The following HSPH1 variants were observed in gnomAD, a reference collection of about 807,000 sequenced individuals.
HSPH1 encodes the protein heat shock protein family H (Hsp110) member 1.
A neutral mutation model predicts 100.0 loss-of-function variants in HSPH1; 40 were observed. That is an observed-to-expected ratio of 0.40 (90% CI 0.31 to 0.52). HSPH1 has a LOEUF of 0.52. Ranked by LOEUF, HSPH1 falls within the 20% of genes least tolerant of loss-of-function variation. The pLI, the probability that HSPH1 is intolerant of heterozygous loss-of-function variation, is 0.54. For synonymous variants in HSPH1, 403 were observed against 344.0 expected (o/e 1.17, Z -1.90); for missense variants, 876 against 1,015.1 (o/e 0.86, Z 1.86).
At chr13:31,141,756 C>A (rs1327398745) in intron 12 of HSPH1, among the ~76,000 whole-genome samples, 1 of 150,898 alleles carries the variant, frequency 6.6e-6, no homozygotes, top group Non-Finnish European at 1.5e-5. Context: ...TTAAAATTTC[C>A]TTATTGAACT....
At chr13:31,140,053 A>G (rs1956032610) in intron 14 of HSPH1, 131 bp downstream of exon 14, 4 of 886,622 alleles carry the variant, frequency 4.5e-6, no homozygotes, top group Admixed American at 2.5e-5. Context: ...GCCTTTCTCC[A>G]TAACTTTGTT....
At chr13:31,154,360 T>C (rs1956600624) in intron 4 of HSPH1, 2 of 474,358 alleles carry the variant, frequency 4.2e-6, no homozygotes, top group Non-Finnish European at 7.7e-6. Flanking sequence ...AGCAACTAAC[T>C]GTATTAGAAT....
At chr13:31,143,954 A>G in intron 11 of HSPH1, 31 bp from the exon 12 acceptor site, 1 of 1,555,088 alleles carries the variant, frequency 6.4e-7, no homozygotes, top group Non-Finnish European at 8.7e-7. Flanking sequence ...CAAAGGATGT[A>G]GAAAGCAGGT....
rs143278145 is a variant in HSPH1 at position 31,154,657 on chromosome 13, T to C, written c.405A>G (p.Lys135=). 6.7e-5 allele frequency: 108 copies of C among 1,614,098 alleles called. No homozygotes were observed. In the African/African-American group the frequency reaches 1.2e-3, roughly 18 times the overall value. ...LKETAENSLK[K]PVTDCVISVP... ...CTGAAATAACACAATCTGTTACTGG[T>C]TTCTTGAGGCTGTTTTCAGCAGTTT... Residue 135 remains lysine, a synonymous_variant, in exon 4 of 18, where the codon AAA becomes AAG. Coordinates refer to ENST00000320027, the MANE Select transcript of HSPH1 (RefSeq NM_006644.4).
At position 31,161,870 on chromosome 13, in the gene HSPH1, C is replaced by A. The variant is rs973113048; in HGVS notation, c.-288G>T. 7 of 1,485,210 alleles carry A rather than the reference C, an allele frequency of 4.7e-6. No homozygotes were observed. Among genetic ancestry groups the A allele is most frequent in the Non-Finnish European group, 4.5e-6 (5 of 1,119,394 alleles). 92.0% of individuals were successfully genotyped at this position (1,485,210 alleles called of 1,614,324 possible). A position where few individuals can be genotyped will look rare whatever the true frequency, so the allele number is the denominator to read the frequency against. On this transcript the variant is annotated 5_prime_UTR_variant, in exon 1 of 18. Coordinates refer to ENST00000320027, the MANE Select transcript of HSPH1 (RefSeq NM_006644.4). ...GGTTGCCTGCCTCACTCTGCCGCGG[C>A]TCGCACACCGGCGCCGGCGCTGAAC...
Position 31,140,252 on chromosome 13 carries a change from C to G in HSPH1, c.1912G>C (p.Val638Leu). 4 of 1,611,456 alleles carry G rather than the reference C, an allele frequency of 2.5e-6. No homozygotes were observed. Among genetic ancestry groups the G allele is most frequent in the Non-Finnish European group, 3.4e-6 (4 of 1,178,454 alleles). Residue 638 changes from valine (V) to leucine (L), a missense_variant, in exon 14 of 18, where the codon GTT (valine) becomes CTT (leucine). Physicochemically the swap from Val to Leu is conservative, Grantham distance 32 (BLOSUM62 1). Coordinates refer to ENST00000320027, the MANE Select transcript of HSPH1 (RefSeq NM_006644.4). ...EKERNDAKNA[V>L]EEYVYEFRDK... Reference sequence around the variant, plus strand: ...CTGAACTCATACACATATTCCTCAACTGCATTTTTAGCATCATTCCTTTCT... The same window carrying G: ...CTGAACTCATACACATATTCCTCAAGTGCATTTTTAGCATCATTCCTTTCT...
Position 31,155,530 on chromosome 13 carries a change from C to A in HSPH1, c.290G>T (p.Gly97Val), listed in dbSNP as rs757640974. Residue 97 changes from glycine (G) to valine (V), a missense_variant, in exon 3 of 18, where the codon GGT becomes GTT. By Grantham distance (109) the Gly-to-Val change is moderately radical. Coordinates refer to ENST00000320027, the MANE Select transcript of HSPH1 (RefSeq NM_006644.4). Reference protein sequence around the residue: ...LSYDLVPLKNGGVGIKVMYMG... With the variant: ...LSYDLVPLKNVGVGIKVMYMG... ...TTATATTACCTTTATTCCAACTCCA[C>A]CATTTTTCAATGGAACCAAATCGTA... 2.5e-6 allele frequency: 4 copies of A among 1,610,518 alleles called. No individual in the cohort carries two copies. Among genetic ancestry groups the A allele is most frequent in the Non-Finnish European group, 3.4e-6 (4 of 1,178,154 alleles).
rs1219989129 is a variant in HSPH1, at chr13:31,136,401, T to C, written c.*917A>G. 6.6e-6 allele frequency: 1 copy of C among 152,210 alleles called. No individual in the cohort carries two copies. Among genetic ancestry groups the C allele is most frequent in the African/African-American group, 2.4e-5 (1 of 41,458 alleles). The allele number at this position is 152,210 out of a possible 1,614,324, so 9.4% of individuals were successfully genotyped here. A position where few individuals can be genotyped will look rare whatever the true frequency, so the allele number is the denominator to read the frequency against. ...GTATAACGAAGTGTTAACAATGTTTTCTTCTGGGTGGCAAGATTTTAAGTT... is the reference window on the plus strand; with the variant it reads ...GTATAACGAAGTGTTAACAATGTTTCCTTCTGGGTGGCAAGATTTTAAGTT... On this transcript the variant is annotated 3_prime_UTR_variant, in exon 18 of 18. Coordinates refer to ENST00000320027, the MANE Select transcript of HSPH1 (RefSeq NM_006644.4).
intron 1 of HSPH1, among the ~76,000 whole-genome samples, chr13:31,159,979 C>G (rs1956837834): frequency 1.3e-5 from 2 of 151,188 alleles, no homozygotes; most frequent in African/African-American, 4.8e-5. Flanking sequence ...ATTAATTGTA[C>G]TAAATAACAA....
chr13:31,152,864 C>G lies in HSPH1; in HGVS notation c.517G>C (p.Asp173His). 1 of 1,609,308 alleles carries G rather than the reference C, an allele frequency of 6.2e-7. No homozygotes were observed. The highest frequency in any genetic ancestry group is 2.2e-5 in the East Asian group (1 of 44,810). Residue 173 changes from aspartate (D) to histidine (H), a missense_variant, in exon 5 of 18, where the codon GAC becomes CAC. Physicochemically the swap from Asp to His is moderately conservative, Grantham distance 81. Transcript: ENST00000320027. ...VGLNCLRLMN[D>H]MTAVALNYGI... ...GCCTTTTCCTTACCAGCTGTCATGTCATTCATAAGTCTTAAACAGTTTAGG... is the reference window on the plus strand; with the variant it reads ...GCCTTTTCCTTACCAGCTGTCATGTGATTCATAAGTCTTAAACAGTTTAGG...
At chr13:31,140,470 G>C in intron 13 of HSPH1, 161 bp from the exon 14 acceptor site, 7 of 408,002 alleles carry the variant, frequency 1.7e-5, no homozygotes, top group Non-Finnish European at 8.2e-6. Flanking sequence ...AAACCAAACA[G>C]ACATTTCCAT....
chr13:31,140,313 T>C lies in HSPH1; in HGVS notation c.1855-4A>G, dbSNP rs1175827246. The C allele has an allele frequency of 1.2e-6, 2 of 1,607,586 alleles. No homozygotes were observed. The highest frequency in any genetic ancestry group is 1.7e-6 in the Non-Finnish European group (2 of 1,177,464). On this transcript the variant is annotated splice_polypyrimidine_tract_variant and splice_region_variant and intron_variant, in intron 13 of 17. Coordinates refer to ENST00000320027, the MANE Select transcript of HSPH1 (RefSeq NM_006644.4). The stretch of plus-strand genomic sequence containing the variant: ...TATCTTGCATTATCATCTTACCCTG[T>C]CAGGAAACAGGAAAGGTTAATTCCA...
intron 7 of HSPH1, 69 bp from the exon 8 acceptor site, chr13:31,150,251 T>C (rs1331816869): frequency 7.2e-6 from 8 of 1,105,272 alleles, no homozygotes; most frequent in Non-Finnish European, 1.0e-5. Flanking sequence ...GACAACCCAA[T>C]GAATTTCATT....
At position 31,150,935 on chromosome 13, in the gene HSPH1, T is replaced by G; in HGVS notation, c.908+12A>C. Reference sequence around the variant, plus strand: ...AGTTCCATCTATTTAATCTGTAGAATTCAAGACACACCTGTTCATCTTTCC... The same window carrying G: ...AGTTCCATCTATTTAATCTGTAGAAGTCAAGACACACCTGTTCATCTTTCC... On this transcript the variant is annotated intron_variant, in intron 7 of 17. Transcript: ENST00000320027. 2 of 1,604,552 alleles carry G rather than the reference T, an allele frequency of 1.2e-6. No individual in the cohort carries two copies. The highest frequency in any genetic ancestry group is 1.7e-5 in the Admixed American group (1 of 58,458).
chr13:31,140,806 TA>T (rs936147231), intron 13 of HSPH1: 5 of 199,202 alleles, frequency 2.5e-5, no homozygotes, highest in African/African-American at 6.9e-5. Flanking sequence ...TTCAGACTAC[TA>T]AAAAAATACA....
chr13:31,139,044 C>CCT lies in HSPH1; in HGVS notation c.2042_2043dup (p.Asp682ArgfsTer15). The CCT allele has an allele frequency of 6.2e-7, 1 of 1,613,200 alleles. No homozygotes were observed. Among genetic ancestry groups the CCT allele is most frequent in the South Asian group, 1.1e-5 (1 of 91,030 alleles). ...TCAACATATGCTTGTTTAGCTTGGT[C>CCT]CTCTCCTTCTTCATACAGCCAGTCT... On this transcript the variant is annotated frameshift_variant, in exon 15 of 18. Coordinates refer to ENST00000320027, the MANE Select transcript of HSPH1 (RefSeq NM_006644.4). LOFTEE classifies it high-confidence loss of function.
At chr13:31,149,887 C>T in intron 8 of HSPH1, 67 bp downstream of exon 8, 1 of 1,256,290 alleles carries the variant, frequency 8.0e-7, no homozygotes, top group Admixed American at 1.7e-5. Flanking sequence ...ATTATCCCAC[C>T]ATGACGACAT....
intron 2 of HSPH1, among the ~76,000 whole-genome samples, chr13:31,158,171 T>A (rs1183916830): frequency 2.0e-5 from 3 of 152,204 alleles, no homozygotes; most frequent in Admixed American, 1.3e-4. Context: ...TAAATGAGTA[T>A]CACGAGAAAC....
chr13:31,154,597 GAAAT>G, intron 4 of HSPH1, 32 bp downstream of exon 4: 1 of 1,612,678 alleles, frequency 6.2e-7, no homozygotes, highest in Non-Finnish European at 8.5e-7. Context: ...ACGCAAAAAT[GAAAT>G]AAAACACACT....
Sources: allele counts gnomAD v4.1 joint callset (sites outside exome capture counted in the v4.1 genomes callset), GRCh38; gene constraint gnomAD v4.1.1; transcripts MANE v1.5; gene names NCBI Gene and HGNC (gene_info 2026-07-23, HGNC 2026-07-21).